The following GNG2 variants were observed in gnomAD, a reference collection of about 807,000 sequenced individuals.
The protein encoded by GNG2 is guanine nucleotide-binding protein G(I)/G(S)/G(O) subunit gamma-2.
GNG2 carries 5 observed loss-of-function variants against 5.5 expected under a neutral mutation model. That is an observed-to-expected ratio of 0.91 (90% CI 0.48 to 1.92). GNG2 has a LOEUF of 1.92. GNG2 is among the 30% of genes most tolerant of loss of function. GNG2 has a pLI of 0.01. For missense variants in GNG2, 55 were observed against 88.4 expected (o/e 0.62, Z 1.52); for synonymous variants, 28 against 32.0 (o/e 0.88, Z 0.42).
chr14:51,923,031 C>T (rs568890636), intron 2 of GNG2, among the ~76,000 whole-genome samples: 1 of 152,328 alleles, frequency 6.6e-6, no homozygotes, highest in African/African-American at 2.4e-5. Context: ...TAGCAAATAA[C>T]TTTCTTTATG....
chr14:51,942,800 A>T (rs1379831320), intron 2 of GNG2, among the ~76,000 whole-genome samples: 1 of 151,614 alleles, frequency 6.6e-6, no homozygotes, highest in African/African-American at 2.4e-5. Flanking sequence ...AAATTTTCCC[A>T]TTCAAATTTA....
At chr14:51,854,820 G>T (rs1882080155) in intron 2 of GNG2, among the ~76,000 whole-genome samples, 1 of 152,058 alleles carries the variant, frequency 6.6e-6, no homozygotes, top group South Asian at 2.1e-4. Flanking sequence ...GCCGGCCGTG[G>T]CTCTTTCTTA....
At chr14:51,903,533 G>T (rs1885697843) in intron 2 of GNG2, among the ~76,000 whole-genome samples, 1 of 152,190 alleles carries the variant, frequency 6.6e-6, no homozygotes, top group Non-Finnish European at 1.5e-5. Flanking sequence ...CTTGGGCAAG[G>T]CAGAAAGAAA....
intron 1 of GNG2, among the ~76,000 whole-genome samples, chr14:51,875,814 AT>A (rs1883618879): frequency 6.6e-6 from 1 of 151,270 alleles, no homozygotes; most frequent in South Asian, 2.1e-4. Context: ...TGCATTTTAC[AT>A]TCTTTTTACT....
At chr14:51,829,421 C>A (rs889529837) in intron 2 of GNG2, among the ~76,000 whole-genome samples, 3 of 152,180 alleles carry the variant, frequency 2.0e-5, no homozygotes, top group Admixed American at 6.5e-5. Context: ...GCTCAGATTC[C>A]AGAGCTCATC....
intron 2 of GNG2, among the ~76,000 whole-genome samples, chr14:51,892,748 G>C (rs78149114): frequency 0.01 from 1,539 of 152,236 alleles, 15 homozygotes; most frequent in Middle Eastern, 0.02. Flanking sequence ...ATGCTTTGGG[G>C]TGTATTATTC....
intron 2 of GNG2, among the ~76,000 whole-genome samples, chr14:51,828,514 A>G (rs567905006): frequency 2.0e-5 from 3 of 152,160 alleles, no homozygotes; most frequent in Admixed American, 2.0e-4. Context: ...ACAAAACAAC[A>G]AGGAGATAAT....
chr14:51,889,109 C>CCTTT (rs1445313036), intron 2 of GNG2, among the ~76,000 whole-genome samples: 1 of 118,938 alleles, frequency 8.4e-6, no homozygotes, highest in Non-Finnish European at 1.8e-5. Flanking sequence ...TGGGTTTGCG[C>CCTTT]TTTTTTTTTT....
chr14:51,841,463 G>A, intron 2 of GNG2: 1 of 693,940 alleles, frequency 1.4e-6, no homozygotes. Flanking sequence ...AATCCTCACT[G>A]TAATCCTCTA....
chr14:51,915,119 G>A (rs558682719), intron 2 of GNG2, among the ~76,000 whole-genome samples: 7 of 152,306 alleles, frequency 4.6e-5, no homozygotes, highest in South Asian at 2.1e-4. Flanking sequence ...TGTTGGCCAC[G>A]TTTAGAGCTT....
intron 2 of GNG2, among the ~76,000 whole-genome samples, chr14:51,880,480 G>A (rs1013668868): frequency 1.3e-5 from 2 of 152,108 alleles, no homozygotes; most frequent in East Asian, 1.9e-4. Context: ...ATTTCTTGCC[G>A]GGTGTATGAA....
intron 2 of GNG2, among the ~76,000 whole-genome samples, chr14:51,838,529 A>T (rs890430921): frequency 1.3e-5 from 2 of 152,200 alleles, no homozygotes; most frequent in African/African-American, 4.8e-5. Flanking sequence ...AATCCGACAT[A>T]ACAAATGATT....
intron 2 of GNG2, among the ~76,000 whole-genome samples, chr14:51,930,414 G>A (rs4901175): frequency 0.048 from 7,231 of 152,196 alleles, 174 homozygotes; most frequent in African/African-American, 0.057. Context: ...AATAACTAGC[G>A]TGAAAAAGGA....
At chr14:51,859,514 G>A (rs948093453), upstream of GNG2, among the ~76,000 whole-genome samples, 3 of 152,262 alleles carry the variant, frequency 2.0e-5, no homozygotes, top group Non-Finnish European at 2.9e-5. Flanking sequence ...AATATGTGCC[G>A]AATACGTCCT....
chr14:51,869,815 G>A (rs897716637), intron 1 of GNG2, among the ~76,000 whole-genome samples: 15 of 152,056 alleles, frequency 9.9e-5, no homozygotes, highest in Non-Finnish European at 1.3e-4. Flanking sequence ...GCCCTGCCGC[G>A]GCTCTTTTTA....
At chr14:51,908,977 T>C (rs11621108) in intron 2 of GNG2, among the ~76,000 whole-genome samples, 1,936 of 152,238 alleles carry the variant, frequency 0.013, 23 homozygotes, top group Non-Finnish European at 0.02. Context: ...GGGTACAATA[T>C]AGAAATCAAA....
chr14:51,921,526 T>C (rs1309863389), intron 2 of GNG2, among the ~76,000 whole-genome samples: 1 of 152,232 alleles, frequency 6.6e-6, no homozygotes, highest in Non-Finnish European at 1.5e-5. Context: ...CTTTTTATTG[T>C]TGGAAGAAGG....
At chr14:51,868,951 T>A (rs565240978) in intron 1 of GNG2, among the ~76,000 whole-genome samples, 1 of 152,350 alleles carries the variant, frequency 6.6e-6, no homozygotes, top group East Asian at 1.9e-4. Context: ...ACCATTCTTA[T>A]TGTTTAAAAT....
intron 1 of GNG2, among the ~76,000 whole-genome samples, chr14:51,875,963 A>G (rs1883634816): frequency 2.2e-5 from 1 of 44,768 alleles, no homozygotes; most frequent in Non-Finnish European, 4.4e-5. Context: ...TCCGAGACAG[A>G]CTCTCACTCT....
Sources: allele counts gnomAD v4.1 joint callset (sites outside exome capture counted in the v4.1 genomes callset), GRCh38; gene constraint gnomAD v4.1.1; transcripts MANE v1.5; gene names NCBI Gene and HGNC (gene_info 2026-07-23, HGNC 2026-07-21).